Variants in SHROOM2 observed in about 807,000 individuals in gnomAD.
SHROOM2 encodes shroom family member 2, also known as protein Shroom2.
A neutral mutation model predicts 75.9 loss-of-function variants in SHROOM2; 33 were observed. The ratio of observed to expected loss-of-function variants is 0.43; its 90% CI spans 0.33 to 0.58. The LOEUF is 0.58. Ranked by LOEUF, SHROOM2 falls within the 20% of genes least tolerant of loss-of-function variation. SHROOM2 has a pLI of 0.04. For synonymous variants in SHROOM2, 655 were observed against 663.6 expected, an observed-to-expected ratio of 0.99 and a Z score of 0.20; for missense variants, 1,434 against 1,461.2, an observed-to-expected ratio of 0.98 and a Z score of 0.30.
chrX:9,882,542 A>G lies in SHROOM2; in HGVS notation c.318-8435A>G, dbSNP rs542763555. ...CAGTAATGGGTTTATAGAAATGAAC[A>G]TTACAGAGGTTAATGGGAAAAACAA... is the stretch of plus-strand genomic sequence containing the variant. On this transcript the variant is annotated intron_variant, in intron 2 of 9. Transcript: ENST00000380913. 8.4e-4 allele frequency among the ~76,000 whole-genome samples: 94 copies of G among 111,440 alleles called. 1 individual carries two copies. The South Asian group carries it at 0.035, about 42-fold the overall frequency.
At chrX:9,940,468 G>A (rs765806915) in intron 8 of SHROOM2, among the ~76,000 whole-genome samples, 1 of 112,090 alleles carries the variant, frequency 8.9e-6, no homozygotes, top group Admixed American at 9.5e-5. Flanking sequence ...CTCACCAGAA[G>A]TGTGGCTCCG....
chrX:9,858,009 G>A (rs2084082154), intron 1 of SHROOM2, among the ~76,000 whole-genome samples: 1 of 111,533 alleles, frequency 9.0e-6, no homozygotes, highest in South Asian at 3.8e-4. Context: ...GCGCTGGCGT[G>A]TGCACTCCAG....
rs1669093491 is a variant in SHROOM2, at chrX:9,818,857, T to C, written c.165+32147T>C. On this transcript the variant is annotated intron_variant, in intron 1 of 9. Transcript: ENST00000380913. ...ATCATGGAGTATCAGAACTTTTGCA[T>C]GATCACTGATTTCATCCATTCTGCA... 3 of 514,063 alleles carry C rather than the reference T, an allele frequency of 5.8e-6. No individual in the cohort carries two copies. In the South Asian group the frequency reaches 8.2e-5, roughly 14 times the overall value. 42.4% of individuals were successfully genotyped at this position (514,063 alleles called of 1,213,427 possible).
At chrX:9,851,470 G>T (rs867093374) in intron 1 of SHROOM2, among the ~76,000 whole-genome samples, 466 of 17,755 alleles carry the variant, frequency 0.026, 9 homozygotes, top group African/African-American at 0.051. Context: ...TTTTTTTTTT[G>T]GATAGAGTCT....
Position 9,941,159 on chromosome X carries a change from GC to G in SHROOM2, c.4311+1794del, listed in dbSNP as rs201611196. Among the ~76,000 whole-genome samples the G allele has an allele frequency of 0.028, 3,167 of 112,189 alleles. 162 individuals are homozygous for G. In the East Asian group the frequency reaches 0.29, roughly 10 times the overall value. On this transcript the variant is annotated intron_variant, in intron 8 of 9. Transcript: ENST00000380913. ...TTTTCCCTGGAACCAGGAGGTGAGT[GC>G]AGGGCCCAGACAGAATAGACCTTGT...
intron 1 of SHROOM2, among the ~76,000 whole-genome samples, chrX:9,828,293 A>G (rs1225311640): frequency 1.8e-5 from 2 of 112,202 alleles, no homozygotes; most frequent in Non-Finnish European, 3.8e-5. Flanking sequence ...CATGGGGATT[A>G]TGAGAATTAC....
At chrX:9,867,145 G>GT (rs1253130316) in intron 1 of SHROOM2, among the ~76,000 whole-genome samples, 1 of 111,656 alleles carries the variant, frequency 9.0e-6, no homozygotes, top group Non-Finnish European at 1.9e-5. Context: ...TTGATTAACT[G>GT]TTTTTTTCCT....
Position 9,786,560 on chromosome X carries a change from G to A in SHROOM2, c.15G>A (p.Glu5=). The A allele has an allele frequency of 1.2e-6, 1 of 854,116 alleles. No homozygotes were observed. Among genetic ancestry groups the A allele is most frequent in the Admixed American group, 6.8e-5 (1 of 14,648 alleles). 70.4% of individuals were successfully genotyped at this position (854,116 alleles called of 1,213,427 possible). Residue 5 remains glutamate (E), a synonymous_variant, in exon 1 of 10, where the codon GAG becomes GAA. Transcript: ENST00000380913. ...GCGGTCGCGCCATGGAGGGCGCCGA[G>A]CCCCGCGCGCGGCCCGAGCGCCTGG... MEGA[E]PRARPERLAE... is the part of the protein sequence containing the mutation.
intron 8 of SHROOM2, 47 bp from the exon 9 acceptor site, chrX:9,944,594 G>A (rs374986683): frequency 6.0e-4 from 693 of 1,156,783 alleles, no homozygotes; most frequent in Non-Finnish European, 7.7e-4. Context: ...GGTGGGGGCC[G>A]GCCTAACCAG....
chrX:9,816,432 T>C (rs886083565), intron 1 of SHROOM2, among the ~76,000 whole-genome samples: 1 of 112,237 alleles, frequency 8.9e-6, no homozygotes, highest in Non-Finnish European at 1.9e-5. Flanking sequence ...GTCATAGGAT[T>C]TTTGTCCTGA....
chrX:9,800,642 CTTTATT>C (rs2083719252), intron 1 of SHROOM2, among the ~76,000 whole-genome samples: 1 of 109,554 alleles, frequency 9.1e-6, no homozygotes, highest in Non-Finnish European at 1.9e-5. Flanking sequence ...TGTCTGTCCA[CTTTATT>C]TTTATTTTAT....
chrX:9,809,095 T>C (rs1320771507), intron 1 of SHROOM2, among the ~76,000 whole-genome samples: 1 of 106,391 alleles, frequency 9.4e-6, no homozygotes, highest in East Asian at 3.0e-4. Flanking sequence ...CTTTCTCTTA[T>C]TAGTCAGGGT....
At chrX:9,912,673 T>C (rs183127566) in intron 5 of SHROOM2, 1 of 111,374 alleles carries the variant, frequency 9.0e-6, no homozygotes, top group East Asian at 2.9e-4. Flanking sequence ...GCCTGCGCCG[T>C]TTGTTAGGGG....
intron 5 of SHROOM2, among the ~76,000 whole-genome samples, chrX:9,925,937 C>A: frequency 9.0e-6 from 1 of 111,473 alleles, no homozygotes; most frequent in East Asian, 2.8e-4. Flanking sequence ...GTGCCCTTCC[C>A]ATCTCATTGG....
Position 9,894,397 on chromosome X carries a change from G to T in SHROOM2, c.489G>T (p.Thr163=), listed in dbSNP as rs377602826. Residue 163 remains threonine (T), a synonymous_variant, in exon 4 of 10, where the codon ACG becomes ACT. Transcript: ENST00000380913. The stretch of plus-strand genomic sequence containing the variant: ...ACCTGTCCAGTTCCTGGGAGCAGAC[G>T]AACCTACAGCGCACCTTAGATCACT... ...SHDLSSSWEQ[T]NLQRTLDHFS... is the part of the protein sequence containing the mutation. 13 of 1,208,220 alleles carry T rather than the reference G, an allele frequency of 1.1e-5. No individual in the cohort carries two copies. Among genetic ancestry groups the T allele is most frequent in the Middle Eastern group, 2.3e-4 (1 of 4,339 alleles).
At chrX:9,917,259 G>A (rs1402666290) in intron 5 of SHROOM2, among the ~76,000 whole-genome samples, 3 of 111,886 alleles carry the variant, frequency 2.7e-5, no homozygotes, top group African/African-American at 9.7e-5. Context: ...TCTGCTCTTT[G>A]CATAAGGGTG....
chrX:9,822,403 G>A (rs752092664), intron 1 of SHROOM2, among the ~76,000 whole-genome samples: 5 of 112,321 alleles, frequency 4.5e-5, no homozygotes, highest in Non-Finnish European at 3.8e-5. Context: ...TGGTGGCAAA[G>A]ACCACTTGTA....
intron 1 of SHROOM2, among the ~76,000 whole-genome samples, chrX:9,803,787 G>C (rs764232759): frequency 9.0e-6 from 1 of 111,510 alleles, no homozygotes; most frequent in South Asian, 3.8e-4. Context: ...CAGGATTTTA[G>C]GGTTTTCTCC....
At chrX:9,808,168 GTGTGCTGTGC>G (rs2083766608) in intron 1 of SHROOM2, among the ~76,000 whole-genome samples, 2 of 111,424 alleles carry the variant, frequency 1.8e-5, no homozygotes, top group African/African-American at 6.5e-5. Flanking sequence ...CAGATTAAAG[GTGTGCTGTGC>G]AGCCTGGGAG....
Sources: gnomAD v4.1 joint callset for allele counts (sites outside exome capture counted in the v4.1 genomes callset) on GRCh38, gnomAD v4.1.1 for gene constraint, MANE v1.5 for transcripts, NCBI Gene and HGNC (gene_info 2026-07-23, HGNC 2026-07-21) for gene names.